Variants in DSCAM observed in about 807,000 individuals in gnomAD.
DSCAM encodes the protein cell adhesion molecule DSCAM.
A neutral mutation model predicts 217.7 loss-of-function variants in DSCAM; 47 were observed. That is an observed-to-expected ratio of 0.22 (90% CI 0.17 to 0.28). DSCAM has a LOEUF of 0.28. Among genes scored for constraint, DSCAM ranks in the 10% least tolerant of loss-of-function variants. The pLI is 1.00. For missense variants in DSCAM, 2,080 were observed against 2,618.3 expected (o/e 0.79, Z 4.49); for synonymous variants, 1,056 against 1,015.3 (o/e 1.04, Z -0.76).
At chr21:40,048,924 G>A (rs987148865) in intron 30 of DSCAM, among the ~76,000 whole-genome samples, 1 of 152,020 alleles carries the variant, frequency 6.6e-6, no homozygotes, top group Non-Finnish European at 1.5e-5. Flanking sequence ...AATAAAACAC[G>A]GAGTGTTGTC....
In DSCAM at chr21:40,231,010, C is replaced by CTTT. The variant is rs372643343; in HGVS notation, c.2357-41775_2357-41773dup. On this transcript the variant is annotated intron_variant, in intron 11 of 32. Coordinates refer to ENST00000400454, the MANE Select transcript of DSCAM (RefSeq NM_001389.5). ...TCTGAAGCCTTGACTCTCGATTATG[C>CTTT]TTTTTTTTTTTTTTCACAACTTAGA... is the stretch of plus-strand genomic sequence containing the variant. Among the ~76,000 whole-genome samples the CTTT allele has an allele frequency of 2.6e-4, 36 of 137,648 alleles. No individual in the cohort carries two copies. The East Asian group carries it at 5.3e-3, about 20-fold the overall frequency. 90.3% of individuals were successfully genotyped at this position (137,648 alleles called of 152,430 possible). A position where few individuals can be genotyped will look rare whatever the true frequency, so the allele number is the denominator to read the frequency against.
At chr21:40,397,361 T>C (rs1307840266) in intron 3 of DSCAM, among the ~76,000 whole-genome samples, 3 of 151,946 alleles carry the variant, frequency 2.0e-5, no homozygotes, top group Admixed American at 2.0e-4. Context: ...CACGAGATCT[T>C]GTCATTTAAA....
At chr21:40,510,853 G>T (rs1568864768) in intron 3 of DSCAM, among the ~76,000 whole-genome samples, 1 of 152,320 alleles carries the variant, frequency 6.6e-6, no homozygotes, top group East Asian at 1.9e-4. Context: ...CCCAGGGACC[G>T]CATGTTGCCA....
chr21:40,113,363 C>A (rs1036210622), intron 20 of DSCAM, among the ~76,000 whole-genome samples: 4 of 152,012 alleles, frequency 2.6e-5, no homozygotes, highest in Non-Finnish European at 5.9e-5. Context: ...AATTCAACAA[C>A]CCTTCATGCT....
At chr21:40,572,101 TG>T (rs2076812311) in intron 3 of DSCAM, among the ~76,000 whole-genome samples, 1 of 151,838 alleles carries the variant, frequency 6.6e-6, no homozygotes, top group Non-Finnish European at 1.5e-5. Flanking sequence ...TGTGTGTGTG[TG>T]TGTGTGTGTG....
intron 2 of DSCAM, among the ~76,000 whole-genome samples, chr21:40,706,010 C>T (rs2090712261): frequency 1.3e-5 from 2 of 151,936 alleles, no homozygotes; most frequent in South Asian, 2.1e-4. Context: ...GAAACCCCAT[C>T]TCTACTGAAA....
At chr21:40,207,200 A>G (rs567288743) in intron 11 of DSCAM, among the ~76,000 whole-genome samples, 11 of 152,366 alleles carry the variant, frequency 7.2e-5, no homozygotes, top group Admixed American at 2.0e-4. Flanking sequence ...TCCCAGAAAA[A>G]GTGAAAAAGG....
intron 3 of DSCAM, among the ~76,000 whole-genome samples, chr21:40,505,033 C>T (rs932488318): frequency 6.6e-6 from 1 of 152,164 alleles, no homozygotes; most frequent in Non-Finnish European, 1.5e-5. Flanking sequence ...GAGGCCACCA[C>T]CAGGTGGAAG....
intron 2 of DSCAM, among the ~76,000 whole-genome samples, chr21:40,696,841 AT>A (rs2090601062): frequency 6.6e-6 from 1 of 152,212 alleles, no homozygotes; most frequent in Non-Finnish European, 1.5e-5. Context: ...TCATACCTGT[AT>A]AAAATGTATA....
Position 40,016,529 on chromosome 21 carries a change from A to G in DSCAM, c.5687-3143T>C, listed in dbSNP as rs915991105. ...CTGCTCGTTTTCTGAGTCTAAAGTA[A>G]CTGAACATTCTTGTTTCTTTTGCTT... On this transcript the variant is annotated intron_variant, in intron 32 of 32. Transcript: ENST00000400454. This position sits in a 1 kb window ranked among gnomAD's most constrained non-coding sequence, Gnocchi z 4.3. Among the ~76,000 whole-genome samples the G allele has an allele frequency of 2.6e-5, 4 of 152,202 alleles. No homozygotes were observed. Among genetic ancestry groups the G allele is most frequent in the African/African-American group, 9.7e-5 (4 of 41,446 alleles).
intron 8 of DSCAM, among the ~76,000 whole-genome samples, chr21:40,328,874 C>G (rs770488333): frequency 5.9e-5 from 9 of 152,134 alleles, no homozygotes; most frequent in Non-Finnish European, 1.2e-4. Flanking sequence ...AAACATTTCT[C>G]AAAAGAAGAC....
chr21:40,762,483 C>T (rs987361326), intron 1 of DSCAM, among the ~76,000 whole-genome samples: 4 of 152,130 alleles, frequency 2.6e-5, no homozygotes, highest in Non-Finnish European at 5.9e-5. Flanking sequence ...AGTCTACCAA[C>T]CAAAAAAGCC....
At chr21:40,546,215 G>A (rs1332292647) in intron 3 of DSCAM, among the ~76,000 whole-genome samples, 5 of 152,200 alleles carry the variant, frequency 3.3e-5, no homozygotes, top group African/African-American at 1.2e-4. Context: ...CATCTATGGG[G>A]AGATATTTTC....
intron 3 of DSCAM, among the ~76,000 whole-genome samples, chr21:40,543,023 T>G (rs2076554012): frequency 6.6e-6 from 1 of 152,164 alleles, no homozygotes; most frequent in African/African-American, 2.4e-5. Flanking sequence ...CTTGAGATAT[T>G]TATCTGATTC....
chr21:40,816,838 G>T (rs997178576), intron 1 of DSCAM, among the ~76,000 whole-genome samples: 2 of 151,900 alleles, frequency 1.3e-5, no homozygotes, highest in Non-Finnish European at 2.9e-5. Context: ...ATTTCTAAAG[G>T]TCTCAATAGA....
At chr21:40,288,613 A>T (rs2073855236) in intron 10 of DSCAM, among the ~76,000 whole-genome samples, 1 of 152,250 alleles carries the variant, frequency 6.6e-6, no homozygotes, top group African/African-American at 2.4e-5. Flanking sequence ...AGACTCCAGT[A>T]TTCACATTTT....
At chr21:40,404,525 C>T (rs80268298) in intron 3 of DSCAM, among the ~76,000 whole-genome samples, 7,078 of 152,282 alleles carry the variant, frequency 0.046, 259 homozygotes, top group East Asian at 0.19. Context: ...GCACAAGTCC[C>T]TTAACACGTC....
At chr21:40,546,192 A>C (rs1416467404) in intron 3 of DSCAM, among the ~76,000 whole-genome samples, 1 of 152,196 alleles carries the variant, frequency 6.6e-6, no homozygotes. Flanking sequence ...TCTTGGGAAA[A>C]TGATTCACAA....
In DSCAM at chr21:40,688,650, G is replaced by A. The variant is rs188752503; in HGVS notation, c.508+4160C>T. Among the ~76,000 whole-genome samples the A allele has an allele frequency of 5.7e-4, 87 of 152,232 alleles. 1 individual carries two copies. The highest frequency in any genetic ancestry group is 2.7e-3 in the South Asian group (13 of 4,814). Reference sequence around the variant, plus strand: ...TCATATTAACTGAGGTCATCTGATGGCACCTTGTGTGCCTGTCTCTGAAAT... The same window carrying A: ...TCATATTAACTGAGGTCATCTGATGACACCTTGTGTGCCTGTCTCTGAAAT... On this transcript the variant is annotated intron_variant, in intron 3 of 32. Transcript: ENST00000400454.
Sources: gnomAD v4.1 joint callset for allele counts (sites outside exome capture counted in the v4.1 genomes callset) on GRCh38, gnomAD v4.1.1 for gene constraint, Gnocchi (gnomAD v3.1) non-coding constraint, MANE v1.5 for transcripts, NCBI Gene and HGNC (gene_info 2026-07-23, HGNC 2026-07-21) for gene names.